The following CDK6 variants were observed in gnomAD, a reference collection of about 807,000 sequenced individuals.
The protein encoded by CDK6 is cyclin-dependent kinase 6.
A neutral mutation model predicts 37.1 loss-of-function variants in CDK6; 6 were observed. The ratio of observed to expected loss-of-function variants is 0.16; its 90% confidence interval spans 0.09 to 0.32. The LOEUF (loss-of-function observed/expected upper bound fraction) is 0.32, where lower values mean the gene tolerates loss of function less well. Ranked by LOEUF, CDK6 falls within the 10% of genes least tolerant of loss-of-function variation. The probability of loss-of-function intolerance (pLI) is 1.00; values close to 1 mark genes in which losing one functional copy is unlikely to be tolerated. For synonymous variants in CDK6, 160 were observed against 161.3 expected, an observed-to-expected ratio of 0.99 and a Z score of 0.06; for missense variants, 224 against 418.9, an observed-to-expected ratio of 0.53 and a Z score of 4.06.
intron 2 of CDK6, among the ~76,000 whole-genome samples, chr7:92,826,003 T>C (rs1250315541): frequency 6.6e-6 from 1 of 152,126 alleles, no homozygotes; most frequent in African/African-American, 2.4e-5. Context: ...TTCCCAGGAA[T>C]CCCAATAAGT....
intron 5 of CDK6, among the ~76,000 whole-genome samples, chr7:92,643,946 C>A (rs933638018): frequency 2.6e-5 from 4 of 152,140 alleles, no homozygotes; most frequent in African/African-American, 9.7e-5. Flanking sequence ...GTCATATCAG[C>A]TTTAGGAAAG....
chr7:92,735,165 T>C (rs889434001), intron 3 of CDK6, among the ~76,000 whole-genome samples: 1 of 152,244 alleles, frequency 6.6e-6, no homozygotes, highest in Non-Finnish European at 1.5e-5. Context: ...TACTCCAGTG[T>C]TACTAAGTTC....
intron 4 of CDK6, among the ~76,000 whole-genome samples, chr7:92,702,719 G>A (rs1274233521): frequency 6.6e-6 from 1 of 152,142 alleles, no homozygotes; most frequent in Non-Finnish European, 1.5e-5. Context: ...AGAGACCATA[G>A]GACATGGTCA....
intron 3 of CDK6, among the ~76,000 whole-genome samples, chr7:92,753,121 C>T (rs934337095): frequency 1.6e-4 from 24 of 152,156 alleles, no homozygotes; most frequent in African/African-American, 4.8e-4. Flanking sequence ...TATGCTTCAC[C>T]TGTGAATACT....
At chr7:92,800,687 C>T (rs984739271) in intron 2 of CDK6, among the ~76,000 whole-genome samples, 1 of 152,188 alleles carries the variant, frequency 6.6e-6, no homozygotes, top group Non-Finnish European at 1.5e-5. Flanking sequence ...TCATCTAAGG[C>T]ACTATTTATG....
intron 5 of CDK6, among the ~76,000 whole-genome samples, chr7:92,659,013 T>C (rs761956412): frequency 6.6e-6 from 1 of 152,200 alleles, no homozygotes; most frequent in Non-Finnish European, 1.5e-5. Flanking sequence ...GCTGCATCAA[T>C]ATCAGCTTGG....
At chr7:92,710,730 T>C (rs1278577024) in intron 4 of CDK6, 2 of 985,270 alleles carry the variant, frequency 2.0e-6, no homozygotes, top group African/African-American at 3.5e-5. Context: ...TGAGTGATCT[T>C]TTTGTTATGA....
At chr7:92,631,244 C>T (rs1212096678) in intron 5 of CDK6, among the ~76,000 whole-genome samples, 1 of 152,112 alleles carries the variant, frequency 6.6e-6, no homozygotes, top group African/African-American at 2.4e-5. Flanking sequence ...AGTGTCAGTA[C>T]TGAAAATGCT....
intron 3 of CDK6, among the ~76,000 whole-genome samples, chr7:92,743,706 G>C (rs1447092583): frequency 6.6e-6 from 1 of 152,174 alleles, no homozygotes; most frequent in Non-Finnish European, 1.5e-5. Flanking sequence ...GACAAAGATG[G>C]AGAGCAGTCA....
intron 4 of CDK6, among the ~76,000 whole-genome samples, chr7:92,691,826 G>A (rs945405881): frequency 2.0e-5 from 3 of 152,198 alleles, no homozygotes; most frequent in African/African-American, 7.2e-5. Context: ...AGACACAGAT[G>A]TCAAATACAG....
At chr7:92,701,529 C>T (rs1428877275) in intron 4 of CDK6, among the ~76,000 whole-genome samples, 1 of 152,022 alleles carries the variant, frequency 6.6e-6, no homozygotes, top group Non-Finnish European at 1.5e-5. Flanking sequence ...CCTCAGCCTC[C>T]CGAGTAGCTG....
At position 92,816,738 on chromosome 7, in the gene CDK6, CACAG is replaced by C. The variant is rs547902127; in HGVS notation, c.233+16349_233+16352del. Among the ~76,000 whole-genome samples, 15 of 151,740 alleles carry C rather than the reference CACAG, an allele frequency of 9.9e-5. 1 individual carries two copies. The South Asian group carries it at 2.7e-3, about 27-fold the overall frequency. ...AAAAACAAAATAAGTATCAAGAGACCACAGACAAACAGAAGTGAAAATTAATGAA... is the reference window on the plus strand; with the variant it reads ...AAAAACAAAATAAGTATCAAGAGACCACAAACAGAAGTGAAAATTAATGAA... On this transcript the variant is annotated intron_variant, in intron 2 of 7. Transcript: ENST00000424848.
intron 4 of CDK6, among the ~76,000 whole-genome samples, chr7:92,704,117 C>T (rs1231898798): frequency 6.6e-6 from 1 of 152,158 alleles, no homozygotes; most frequent in Admixed American, 6.5e-5. Context: ...TCTTTGACCA[C>T]CCTCCCCCTC....
At chr7:92,730,609 C>T (rs1158151071) in intron 3 of CDK6, among the ~76,000 whole-genome samples, 3 of 152,182 alleles carry the variant, frequency 2.0e-5, no homozygotes, top group Middle Eastern at 3.2e-3. Context: ...CTCTACATAC[C>T]TCATACATGT....
intron 4 of CDK6, among the ~76,000 whole-genome samples, chr7:92,704,150 G>A (rs1476363844): frequency 2.6e-5 from 4 of 151,916 alleles, no homozygotes; most frequent in South Asian, 2.1e-4. Context: ...CCGGTGTATC[G>A]CACTCTATTG....
chr7:92,718,387 G>T lies in CDK6; in HGVS notation c.537+7239C>A, dbSNP rs147861714. ...TCAGTATGCACTGGCAGCTTTTGGA[G>T]GCTTCTGTGGGAGCTACTCGGCTGC... is the stretch of plus-strand genomic sequence containing the variant. On this transcript the variant is annotated intron_variant, in intron 4 of 7. Coordinates refer to ENST00000424848, the MANE Select transcript of CDK6 (RefSeq NM_001145306.2). Among the ~76,000 whole-genome samples, 494 of 152,264 alleles carry T rather than the reference G, an allele frequency of 3.2e-3. 1 individual carries two copies. The highest frequency in any genetic ancestry group is 0.011 in the African/African-American group (467 of 41,554).
intron 4 of CDK6, among the ~76,000 whole-genome samples, chr7:92,698,459 T>G (rs1797770565): frequency 6.6e-6 from 1 of 152,174 alleles, no homozygotes; most frequent in South Asian, 2.1e-4. Context: ...TTTCCCCCAG[T>G]ACACTTGAGG....
At chr7:92,808,696 T>G (rs528988848) in intron 2 of CDK6, among the ~76,000 whole-genome samples, 2 of 152,322 alleles carry the variant, frequency 1.3e-5, no homozygotes, top group East Asian at 3.9e-4. Flanking sequence ...TCATGTGATT[T>G]CTCAAGTATT....
intron 2 of CDK6, among the ~76,000 whole-genome samples, chr7:92,818,804 T>C (rs758890632): frequency 6.6e-5 from 10 of 151,966 alleles, no homozygotes; most frequent in Non-Finnish European, 1.2e-4. Context: ...GAATGGTCAA[T>C]AGCCAAATGA....
Sources: allele counts gnomAD v4.1 joint callset (sites outside exome capture counted in the v4.1 genomes callset), GRCh38; gene constraint gnomAD v4.1.1; transcripts MANE v1.5; gene names NCBI Gene and HGNC (gene_info 2026-07-23, HGNC 2026-07-21).